Variants in STXBP5 observed in about 807,000 individuals in gnomAD.
STXBP5 encodes the protein syntaxin binding protein 5.
STXBP5 carries 50 observed loss-of-function variants against 152.4 expected under a neutral mutation model. The ratio of observed to expected loss-of-function variants is 0.33; its 90% CI spans 0.26 to 0.42. The LOEUF (loss-of-function observed/expected upper bound fraction) is 0.42. Among genes scored for constraint, STXBP5 ranks in the 10% least tolerant of loss-of-function variants. The probability of loss-of-function intolerance (pLI) is 1.00; values close to 1 mark genes in which losing one functional copy is unlikely to be tolerated. For missense variants in STXBP5, 1,167 were observed against 1,388.6 expected, an observed-to-expected ratio of 0.84 and a Z score of 2.54; for synonymous variants, 492 against 494.7, an observed-to-expected ratio of 0.99 and a Z score of 0.07.
At chr6:147,297,062 A>C (rs1781561739) in intron 9 of STXBP5, among the ~76,000 whole-genome samples, 1 of 152,202 alleles carries the variant, frequency 6.6e-6, no homozygotes, top group Non-Finnish European at 1.5e-5. Context: ...ATGAAATAGT[A>C]GCTGAAAATT....
chr6:147,348,540 A>G (rs933360007), intron 21 of STXBP5, among the ~76,000 whole-genome samples: 1 of 152,168 alleles, frequency 6.6e-6, no homozygotes, highest in Non-Finnish European at 1.5e-5. Flanking sequence ...AAACTTTGAC[A>G]TTTTACCAAA....
intron 2 of STXBP5, among the ~76,000 whole-genome samples, chr6:147,215,430 G>A (rs923043867): frequency 9.2e-5 from 14 of 152,164 alleles, no homozygotes; most frequent in African/African-American, 3.4e-4. Context: ...CGCCCAGGTG[G>A]AGTATAGTGG....
intron 26 of STXBP5, among the ~76,000 whole-genome samples, chr6:147,376,955 T>G (rs1367176756): frequency 6.6e-6 from 1 of 152,178 alleles, no homozygotes; most frequent in Non-Finnish European, 1.5e-5. Context: ...ACTATATTAA[T>G]ATAAGAAAAA....
intron 26 of STXBP5, among the ~76,000 whole-genome samples, chr6:147,374,098 T>C (rs1443315640): frequency 6.6e-6 from 1 of 152,212 alleles, no homozygotes; most frequent in Non-Finnish European, 1.5e-5. Flanking sequence ...AAGTAAATAA[T>C]GTAGGAAGTA....
chr6:147,241,232 T>C (rs1439696971), intron 4 of STXBP5, among the ~76,000 whole-genome samples: 1 of 152,230 alleles, frequency 6.6e-6, no homozygotes, highest in Non-Finnish European at 1.5e-5. Context: ...TGTTCTCTGA[T>C]ATTAACATGC....
chr6:147,346,018 A>G (rs1282041144), intron 21 of STXBP5, among the ~76,000 whole-genome samples: 1 of 152,202 alleles, frequency 6.6e-6, no homozygotes, highest in African/African-American at 2.4e-5. Flanking sequence ...CTCAGACTGA[A>G]GAAACCTTCT....
intron 8 of STXBP5, among the ~76,000 whole-genome samples, chr6:147,287,193 CA>C (rs1194505849): frequency 3.7e-5 from 4 of 108,374 alleles, no homozygotes; most frequent in Admixed American, 1.1e-4. Flanking sequence ...CTTAATTGTA[CA>C]TTTTTTTTTT....
At chr6:147,266,292 A>G (rs1481414115) in intron 6 of STXBP5, among the ~76,000 whole-genome samples, 1 of 152,054 alleles carries the variant, frequency 6.6e-6, no homozygotes, top group African/African-American at 2.4e-5. Flanking sequence ...AGAAGCATAC[A>G]TTACCCTGTT....
intron 2 of STXBP5, among the ~76,000 whole-genome samples, chr6:147,225,901 T>G (rs1777685786): frequency 6.6e-6 from 1 of 152,212 alleles, no homozygotes; most frequent in South Asian, 2.1e-4. Flanking sequence ...TTTTAAGGGC[T>G]ATAATGGATC....
intron 21 of STXBP5, among the ~76,000 whole-genome samples, chr6:147,341,130 T>G (rs909836042): frequency 6.6e-6 from 1 of 151,940 alleles, no homozygotes; most frequent in African/African-American, 2.4e-5. Flanking sequence ...TAGTGTCACG[T>G]TTTTTTTCTT....
At chr6:147,217,178 T>C (rs778180381) in intron 2 of STXBP5, among the ~76,000 whole-genome samples, 1 of 152,246 alleles carries the variant, frequency 6.6e-6, no homozygotes, top group Non-Finnish European at 1.5e-5. Context: ...CTAAATGGTT[T>C]TCCTTTGTGC....
At chr6:147,213,961 G>A (rs186429280) in intron 2 of STXBP5, among the ~76,000 whole-genome samples, 67 of 152,188 alleles carry the variant, frequency 4.4e-4, no homozygotes, top group African/African-American at 1.6e-3. Context: ...TTACTGACAT[G>A]ATTTTTATGA....
intron 21 of STXBP5, among the ~76,000 whole-genome samples, chr6:147,345,264 A>G (rs1784274583): frequency 6.6e-6 from 1 of 152,168 alleles, no homozygotes; most frequent in African/African-American, 2.4e-5. Context: ...ACATATATAG[A>G]GCGTTTACAA....
intron 25 of STXBP5, among the ~76,000 whole-genome samples, chr6:147,366,556 A>G (rs577138264): frequency 1.8e-4 from 27 of 152,252 alleles, no homozygotes; most frequent in African/African-American, 6.3e-4. Context: ...ATTCCTTGAC[A>G]TTGGGCCACA....
At chr6:147,335,205 ATAAT>A (rs1486704401) in intron 19 of STXBP5, among the ~76,000 whole-genome samples, 2 of 152,218 alleles carry the variant, frequency 1.3e-5, no homozygotes, top group Non-Finnish European at 1.5e-5. Flanking sequence ...AATTGGTCAC[ATAAT>A]TAATACCTAA....
chr6:147,207,090 A>G (rs1373920940), intron 2 of STXBP5, among the ~76,000 whole-genome samples: 1 of 152,102 alleles, frequency 6.6e-6, no homozygotes, highest in Non-Finnish European at 1.5e-5. Context: ...TTACCCCTTT[A>G]TATTTTAGAT....
At chr6:147,322,112 C>T (rs1044494796) in intron 16 of STXBP5, among the ~76,000 whole-genome samples, 3 of 152,122 alleles carry the variant, frequency 2.0e-5, no homozygotes, top group Admixed American at 1.3e-4. Flanking sequence ...GAGAATTTGT[C>T]GTGCACATTT....
At chr6:147,317,154 A>G (rs1562483135) in intron 16 of STXBP5, among the ~76,000 whole-genome samples, 2 of 152,320 alleles carry the variant, frequency 1.3e-5, no homozygotes, top group South Asian at 4.1e-4. Flanking sequence ...TACTAGGTTC[A>G]AGGTAGAGAG....
At position 147,267,170 on chromosome 6, in the gene STXBP5, AAT is replaced by A. The variant is rs752155017; in HGVS notation, c.714+6_714+7del. On this transcript the variant is annotated splice_donor_5th_base_variant and intron_variant, in intron 7 of 27. Coordinates refer to ENST00000321680, the MANE Select transcript of STXBP5 (RefSeq NM_001127715.4). ...ACTACAGATACACATATGATGAGGT[AAT>A]ATTATTTTTGCTAGTAAAAGCTATG... 5 of 1,589,284 alleles carry A rather than the reference AAT, an allele frequency of 3.1e-6. No homozygotes were observed. The East Asian group carries it at 1.1e-4, about 36-fold the overall frequency.
Sources: gnomAD v4.1 joint callset for allele counts (sites outside exome capture counted in the v4.1 genomes callset) on GRCh38, gnomAD v4.1.1 for gene constraint, MANE v1.5 for transcripts, NCBI Gene and HGNC (gene_info 2026-07-23, HGNC 2026-07-21) for gene names.